Variants in DYM observed in about 807,000 individuals in gnomAD.
DYM encodes dymeclin.
In DYM, 78 loss-of-function variants were observed where a neutral mutation model predicts 93.1. The ratio of observed to expected loss-of-function variants is 0.84; its 90% confidence interval spans 0.70 to 1.01. DYM has a LOEUF of 1.01. Among genes scored for constraint, DYM ranks in the 50% least tolerant of loss-of-function variants. The pLI is 0.00. For synonymous variants in DYM, 321 were observed against 319.7 expected, an observed-to-expected ratio of 1.00 and a Z score of -0.04; for missense variants, 789 against 845.0, an observed-to-expected ratio of 0.93 and a Z score of 0.82.
intron 1 of DYM, among the ~76,000 whole-genome samples, chr18:49,449,477 A>C (rs576134498): frequency 1.3e-5 from 2 of 152,314 alleles, no homozygotes; most frequent in South Asian, 4.1e-4. Context: ...TCCTTCTTTC[A>C]CAGTGTACAA....
intron 13 of DYM, among the ~76,000 whole-genome samples, chr18:49,247,891 G>C (rs1251681872): frequency 2.6e-5 from 4 of 152,142 alleles, no homozygotes; most frequent in Admixed American, 2.6e-4. Context: ...AGCAAACCAA[G>C]CCAGATTTCC....
chr18:49,219,767 A>T (rs1211000088), intron 13 of DYM, among the ~76,000 whole-genome samples: 2 of 152,168 alleles, frequency 1.3e-5, no homozygotes, highest in Non-Finnish European at 2.9e-5. Context: ...CAAAATAATA[A>T]GAGCTATCTA....
intron 13 of DYM, among the ~76,000 whole-genome samples, chr18:49,252,254 G>A (rs12051947): frequency 1.9e-5 from 1 of 51,434 alleles, no homozygotes; most frequent in Non-Finnish European, 4.2e-5. Flanking sequence ...AACTGCCTGA[G>A]ACTGGGTAAT....
intron 13 of DYM, among the ~76,000 whole-genome samples, chr18:49,244,851 C>G (rs754950609): frequency 2.0e-5 from 3 of 152,188 alleles, no homozygotes; most frequent in Admixed American, 1.3e-4. Flanking sequence ...ACTGCACCAT[C>G]AAGAACAAGA....
chr18:49,194,800 TAA>T (rs1223592145), intron 14 of DYM, among the ~76,000 whole-genome samples: 6 of 152,336 alleles, frequency 3.9e-5, no homozygotes, highest in South Asian at 4.1e-4. Flanking sequence ...GATTTTCTGC[TAA>T]GTCATTTTGA....
intron 15 of DYM, among the ~76,000 whole-genome samples, chr18:49,130,289 T>C (rs532712601): frequency 6.6e-6 from 1 of 152,274 alleles, no homozygotes; most frequent in South Asian, 2.1e-4. Context: ...GCTAGGGGAA[T>C]CTGAAGCTGG....
chr18:49,378,442 A>AG, intron 5 of DYM, 125 bp downstream of exon 5: 1 of 910,598 alleles, frequency 1.1e-6, no homozygotes, highest in Non-Finnish European at 1.7e-6. Flanking sequence ...TGACAGTATA[A>AG]GTTCATTTTA....
At chr18:49,325,270 C>T (rs931721640) in intron 8 of DYM, among the ~76,000 whole-genome samples, 4 of 152,230 alleles carry the variant, frequency 2.6e-5, no homozygotes, top group Non-Finnish European at 5.9e-5. Flanking sequence ...ACCCAGGCTA[C>T]TGACCTCACA....
chr18:49,292,332 G>A (rs1421023943), intron 8 of DYM, among the ~76,000 whole-genome samples: 361 of 113,050 alleles, frequency 3.2e-3, no homozygotes, highest in South Asian at 6.7e-3. Context: ...AGGCAGGCAG[G>A]CAGGCAGACA....
chr18:49,119,543 TTCCTC>T (rs1439842140), intron 15 of DYM, among the ~76,000 whole-genome samples: 1 of 152,156 alleles, frequency 6.6e-6, no homozygotes, highest in African/African-American at 2.4e-5. Flanking sequence ...ACAACAGACT[TTCCTC>T]TCCTCTTCAG....
At chr18:49,082,519 C>A (rs2078144038) in intron 17 of DYM, among the ~76,000 whole-genome samples, 2 of 152,080 alleles carry the variant, frequency 1.3e-5, no homozygotes, top group South Asian at 4.1e-4. Flanking sequence ...TGTATTATGT[C>A]AATATGCTAT....
intron 6 of DYM, among the ~76,000 whole-genome samples, chr18:49,362,716 C>T (rs2147352759): frequency 6.6e-6 from 1 of 152,284 alleles, no homozygotes; most frequent in Non-Finnish European, 1.5e-5. Flanking sequence ...TCCCCTACAT[C>T]TCACTGACTA....
At chr18:49,048,056 A>C (rs2071868336) in intron 17 of DYM, 1 of 152,242 alleles carries the variant, frequency 6.6e-6, no homozygotes, top group African/African-American at 2.4e-5. Flanking sequence ...GACTGTGTGC[A>C]AAGTTAGTTT....
In DYM at chr18:49,198,478, C is replaced by T. The variant is rs1003227084; in HGVS notation, c.1625+11073G>A. Among the ~76,000 whole-genome samples, 53 of 152,300 alleles carry T rather than the reference C, an allele frequency of 3.5e-4. 1 individual carries two copies. Among genetic ancestry groups the T allele is most frequent in the African/African-American group, 1.2e-3 (51 of 41,552 alleles). ...AATGGGAGAAAATTTTTGCCATCTA[C>T]CCATCTGACAAGGGGCTAATATCCA... On this transcript the variant is annotated intron_variant, in intron 14 of 17. Coordinates refer to ENST00000675505, the MANE Select transcript of DYM (RefSeq NM_001353214.3).
At chr18:49,331,768 C>T (rs2063322128) in intron 8 of DYM, 96 bp downstream of exon 8, 4 of 1,314,534 alleles carry the variant, frequency 3.0e-6, no homozygotes, top group East Asian at 2.3e-5. Context: ...TTCAATGTAA[C>T]TATTAATGGT....
At chr18:49,111,966 T>C (rs2081435946) in intron 16 of DYM, among the ~76,000 whole-genome samples, 1 of 152,200 alleles carries the variant, frequency 6.6e-6, no homozygotes, top group Non-Finnish European at 1.5e-5. Context: ...ATACCTCTAA[T>C]GGTACTCTTA....
intron 1 of DYM, among the ~76,000 whole-genome samples, chr18:49,439,828 T>C (rs1003672678): frequency 7.3e-5 from 11 of 151,704 alleles, no homozygotes; most frequent in African/African-American, 2.7e-4. Flanking sequence ...AAAGCAAAAC[T>C]CTGTCTCTAC....
At position 49,037,343 on chromosome 18, in the gene DYM, T is replaced by C. The variant is rs2070743391; in HGVS notation, c.*6712A>G. On this transcript the variant is annotated 3_prime_UTR_variant, in exon 18 of 18. Transcript: ENST00000675505. ...TTGCTTAATTGATTTTTAACCTTTC[T>C]TCTTTTCTAACATAAACATTTAAAT... Among the ~76,000 whole-genome samples the C allele has an allele frequency of 6.6e-6, 1 of 152,192 alleles. No homozygotes were observed. Among genetic ancestry groups the C allele is most frequent in the Non-Finnish European group, 1.5e-5 (1 of 68,024 alleles).
chr18:49,153,567 C>T (rs1301823092), intron 15 of DYM, among the ~76,000 whole-genome samples: 2 of 152,092 alleles, frequency 1.3e-5, no homozygotes, highest in South Asian at 2.1e-4. Context: ...GAGGACACAA[C>T]ATGAAAGAGC....
Sources: allele counts gnomAD v4.1 joint callset (sites outside exome capture counted in the v4.1 genomes callset), GRCh38; gene constraint gnomAD v4.1.1; transcripts MANE v1.5; gene names NCBI Gene and HGNC (gene_info 2026-07-23, HGNC 2026-07-21).